The following MGAT5 variants were observed in gnomAD, a reference collection of about 807,000 sequenced individuals.
MGAT5 encodes the protein alpha-1,6-mannosylglycoprotein 6-beta-N-acetylglucosaminyltransferase A.
Under a neutral mutation model 94.3 loss-of-function variants are expected in MGAT5, and 30 were observed. That is an observed-to-expected ratio of 0.32 (90% CI 0.24 to 0.43). MGAT5 has a LOEUF of 0.43. Among genes scored for constraint, MGAT5 ranks in the 20% least tolerant of loss-of-function variants. The pLI is 1.00. For missense variants in MGAT5, 691 were observed against 905.5 expected (o/e 0.76, Z 3.04); for synonymous variants, 310 against 322.9 (o/e 0.96, Z 0.43).
intron 6 of MGAT5, among the ~76,000 whole-genome samples, chr2:134,340,177 A>G (rs558329268): frequency 2.6e-5 from 4 of 152,312 alleles, no homozygotes; most frequent in Non-Finnish European, 5.9e-5. Flanking sequence ...TAGGGCCACT[A>G]TCAGGCCTAT....
In MGAT5 at chr2:134,159,668, G is replaced by A. The variant is rs1687642493; in HGVS notation, c.-143+39377G>A. Among the ~76,000 whole-genome samples the A allele has an allele frequency of 3.9e-5, 6 of 152,224 alleles. No homozygotes were observed. The South Asian group carries it at 1.2e-3, about 32-fold the overall frequency. The stretch of plus-strand genomic sequence containing the variant: ...AGTTTGAGACCAGCCTGGCCAACAT[G>A]GGGAAACCCTGTATCTACTAAAAAT... On this transcript the variant is annotated intron_variant, in intron 1 of 16. Coordinates refer to the MGAT5 transcript ENST00000409645.
At chr2:134,238,012 G>A (rs1352457764) in intron 1 of MGAT5, among the ~76,000 whole-genome samples, 1 of 152,082 alleles carries the variant, frequency 6.6e-6, no homozygotes, top group Non-Finnish European at 1.5e-5. Context: ...ACCTCCCAAA[G>A]TGCTGGGATT....
intron 1 of MGAT5, among the ~76,000 whole-genome samples, chr2:134,230,777 A>G (rs960925594): frequency 6.6e-5 from 10 of 152,136 alleles, no homozygotes; most frequent in Admixed American, 5.9e-4. Flanking sequence ...CAGAGTTATC[A>G]TATGACCCAG....
At chr2:134,276,254 C>G (rs1264861529) in intron 2 of MGAT5, among the ~76,000 whole-genome samples, 1 of 145,064 alleles carries the variant, frequency 6.9e-6, no homozygotes, top group Non-Finnish European at 1.5e-5. Flanking sequence ...TCCCAGAAGA[C>G]TATTTTAGGA....
intron 10 of MGAT5, among the ~76,000 whole-genome samples, chr2:134,381,367 A>ATAGATAGATAGAT (rs1553457671): frequency 2.0e-4 from 22 of 109,976 alleles, no homozygotes; most frequent in African/African-American, 5.3e-4. Context: ...AGATAGATAG[A>ATAGATAGATAGAT]TAAGATAAGA....
chr2:134,320,158 G>A (rs1573791625), intron 4 of MGAT5: 1 of 152,720 alleles, frequency 6.5e-6, no homozygotes, highest in South Asian at 2.1e-4. Context: ...GATCTGAATA[G>A]CAGAGTCTAT....
intron 1 of MGAT5, among the ~76,000 whole-genome samples, chr2:134,218,493 T>G (rs1680604106): frequency 6.6e-6 from 1 of 152,132 alleles, no homozygotes; most frequent in Non-Finnish European, 1.5e-5. Flanking sequence ...AGGCTGCTGG[T>G]CTCAGCTGGG....
intron 2 of MGAT5, among the ~76,000 whole-genome samples, chr2:134,304,234 G>C (rs1573749009): frequency 1.3e-5 from 2 of 152,092 alleles, no homozygotes; most frequent in Non-Finnish European, 2.9e-5. Flanking sequence ...TTTCTGTTAG[G>C]TACAATATAC....
intron 10 of MGAT5, among the ~76,000 whole-genome samples, chr2:134,368,437 G>A (rs1680572916): frequency 6.6e-6 from 1 of 152,216 alleles, no homozygotes; most frequent in African/African-American, 2.4e-5. Flanking sequence ...AAGTCAACCA[G>A]TCTTAACTGA....
intron 1 of MGAT5, among the ~76,000 whole-genome samples, chr2:134,143,060 A>T (rs1024875247): frequency 6.6e-6 from 1 of 152,060 alleles, no homozygotes; most frequent in Non-Finnish European, 1.5e-5. Context: ...AGGCTGGGAG[A>T]GCACCAAAGG....
intron 1 of MGAT5, among the ~76,000 whole-genome samples, chr2:134,266,501 G>A (rs1182871973): frequency 6.6e-6 from 1 of 152,214 alleles, no homozygotes; most frequent in Non-Finnish European, 1.5e-5. Context: ...GATTACAGGC[G>A]TGAGCCGCCG....
chr2:134,204,001 T>C (rs189471833), intron 1 of MGAT5, among the ~76,000 whole-genome samples: 2 of 152,232 alleles, frequency 1.3e-5, no homozygotes. Context: ...TTATCATACA[T>C]GGGCAAAGAG....
chr2:134,218,214 T>C (rs74824278), intron 1 of MGAT5, among the ~76,000 whole-genome samples: 1,767 of 152,330 alleles, frequency 0.012, 34 homozygotes, highest in African/African-American at 0.041. Flanking sequence ...TCTCGACTTG[T>C]TGCAACACCA....
intron 2 of MGAT5, among the ~76,000 whole-genome samples, chr2:134,313,986 A>G (rs1485255592): frequency 3.3e-5 from 5 of 152,228 alleles, no homozygotes; most frequent in African/African-American, 7.2e-5. Flanking sequence ...AAGGTCCTCC[A>G]TGGACAAAAA....
chr2:134,124,917 G>A (rs1020055187), intron 1 of MGAT5, among the ~76,000 whole-genome samples: 2 of 152,134 alleles, frequency 1.3e-5, no homozygotes, highest in Non-Finnish European at 2.9e-5. Context: ...GTTGTAGTTC[G>A]GTGCACAGAC....
chr2:134,291,343 AAGG>A (rs1265596793), intron 2 of MGAT5, among the ~76,000 whole-genome samples: 3 of 152,190 alleles, frequency 2.0e-5, no homozygotes, highest in African/African-American at 7.2e-5. Context: ...GTGAGGATAC[AAGG>A]AGAAGATAGC....
chr2:134,259,639 C>T (rs1490612897), intron 1 of MGAT5, among the ~76,000 whole-genome samples: 1 of 152,308 alleles, frequency 6.6e-6, no homozygotes, highest in African/African-American at 2.4e-5. Flanking sequence ...TCCTCCTTGA[C>T]CTCCAGGTTC....
At chr2:134,422,659 A>G (rs1236112701) in intron 12 of MGAT5, 144 bp from the exon 13 acceptor site, 1 of 632,708 alleles carries the variant, frequency 1.6e-6, no homozygotes, top group African/African-American at 1.8e-5. Flanking sequence ...CTGCTTATGG[A>G]TGGTTTTGAT....
intron 1 of MGAT5, among the ~76,000 whole-genome samples, chr2:134,179,972 A>G (rs546926821): frequency 6.6e-6 from 1 of 152,302 alleles, no homozygotes; most frequent in African/African-American, 2.4e-5. Flanking sequence ...ACTGCTCACT[A>G]CAGGCGAATA....
Sources: allele counts gnomAD v4.1 joint callset (sites outside exome capture counted in the v4.1 genomes callset), GRCh38; gene constraint gnomAD v4.1.1; transcripts MANE v1.5; gene names NCBI Gene and HGNC (gene_info 2026-07-23, HGNC 2026-07-21).